NFATC3: variants seen among roughly 807,000 people sequenced by gnomAD.
NFATC3 encodes the protein nuclear factor of activated T-cells, cytoplasmic 3.
A neutral mutation model predicts 98.6 loss-of-function variants in NFATC3; 46 were observed. That is an observed-to-expected ratio of 0.47 (90% confidence interval 0.37 to 0.60). The LOEUF (loss-of-function observed/expected upper bound fraction) is 0.60. Ranked by LOEUF, NFATC3 falls within the 20% of genes least tolerant of loss-of-function variation. The pLI, the probability that NFATC3 is intolerant of heterozygous loss-of-function variation, is 0.00. For synonymous variants in NFATC3, 512 were observed against 472.2 expected, an observed-to-expected ratio of 1.08 and a Z score of -1.09; for missense variants, 1,256 against 1,295.5, an observed-to-expected ratio of 0.97 and a Z score of 0.47.
intron 1 of NFATC3, among the ~76,000 whole-genome samples, chr16:68,106,736 T>TG: frequency 6.7e-6 from 1 of 150,370 alleles, no homozygotes; most frequent in South Asian, 2.1e-4. Flanking sequence ...GCCTTTTTTT[T>TG]TTGTTGTTTT....
At chr16:68,203,912 G>A (rs932382424) in intron 9 of NFATC3, among the ~76,000 whole-genome samples, 6 of 152,002 alleles carry the variant, frequency 3.9e-5, no homozygotes, top group Non-Finnish European at 8.8e-5. Flanking sequence ...ATTGGGCCAG[G>A]CACAGTGGCT....
chr16:68,212,792 T>G (rs1479363467), intron 9 of NFATC3, among the ~76,000 whole-genome samples: 3 of 136,052 alleles, frequency 2.2e-5, no homozygotes, highest in African/African-American at 8.3e-5. Context: ...TCTCTTTTTT[T>G]TTTTTTTTTT....
intron 9 of NFATC3, among the ~76,000 whole-genome samples, chr16:68,217,464 CAA>C (rs68079157): frequency 1.8e-3 from 79 of 44,940 alleles, no homozygotes; most frequent in African/African-American, 4.9e-3. Flanking sequence ...GTCTCTGTCT[CAA>C]AAAAAAAAAA....
intron 2 of NFATC3, among the ~76,000 whole-genome samples, chr16:68,124,989 C>T (rs2036761294): frequency 6.6e-6 from 1 of 151,990 alleles, no homozygotes; most frequent in African/African-American, 2.4e-5. Flanking sequence ...CCTCGGCCTC[C>T]CAAAGTGCTG....
chr16:68,202,939 A>G (rs865784571), intron 9 of NFATC3, among the ~76,000 whole-genome samples: 12 of 152,218 alleles, frequency 7.9e-5, no homozygotes, highest in Non-Finnish European at 1.8e-4. Flanking sequence ...GGAGGGAGGT[A>G]GATAATGCTG....
intron 1 of NFATC3, among the ~76,000 whole-genome samples, chr16:68,115,158 G>T (rs1026884580): frequency 7.2e-5 from 11 of 151,846 alleles, no homozygotes; most frequent in African/African-American, 2.2e-4. Flanking sequence ...CCGCCTCCCG[G>T]CTTCAAGTGA....
Position 68,190,907 on chromosome 16 carries a change from T to G in NFATC3, c.2238T>G (p.Ser746Arg). Residue 746 changes from serine (S) to arginine (R), a missense_variant, in exon 9 of 10, where the codon AGT (serine) becomes AGG (arginine). By Grantham distance (110) the Ser-to-Arg change is moderately radical. This residue lies in a region of NFATC3 where 636 missense variants were observed against 617.3 expected (regional missense o/e 1.03). Coordinates refer to ENST00000346183, the MANE Select transcript of NFATC3 (RefSeq NM_173165.3). ...ACAGTGTACTGTCAGGACAGAGAAG[T>G]TTGATTTGCTCCATCCCACAAACAT... ...SHDSVLSGQR[S>R]LICSIPQTYA... is the part of the protein sequence containing the mutation. The G allele has an allele frequency of 6.2e-7, 1 of 1,614,192 alleles. No homozygotes were observed. Among genetic ancestry groups the G allele is most frequent in the African/African-American group, 1.3e-5 (1 of 75,048 alleles).
chr16:68,085,938 A>G, intron 1 of NFATC3, 154 bp downstream of exon 1: 2 of 529,852 alleles, frequency 3.8e-6, no homozygotes, highest in Non-Finnish European at 6.2e-6. Context: ...ACGGATTTAA[A>G]TCGCTGAGGA....
At chr16:68,159,021 C>G (rs1031945055) in intron 4 of NFATC3, among the ~76,000 whole-genome samples, 40 of 152,222 alleles carry the variant, frequency 2.6e-4, no homozygotes, top group Admixed American at 2.0e-4. Context: ...CACCTGAGCT[C>G]AGGAATTTCA....
At chr16:68,125,783 T>C (rs905959702) in intron 2 of NFATC3, among the ~76,000 whole-genome samples, 3 of 152,166 alleles carry the variant, frequency 2.0e-5, no homozygotes, top group African/African-American at 7.2e-5. Context: ...TTCATACACA[T>C]AGTTGAGAAA....
chr16:68,145,624 T>C (rs958234733), intron 3 of NFATC3, among the ~76,000 whole-genome samples: 1 of 152,186 alleles, frequency 6.6e-6, no homozygotes, highest in Non-Finnish European at 1.5e-5. Flanking sequence ...ATATACTATA[T>C]GATTCTATTT....
At chr16:68,215,150 G>A (rs2041584080) in intron 9 of NFATC3, among the ~76,000 whole-genome samples, 1 of 152,160 alleles carries the variant, frequency 6.6e-6, no homozygotes, top group South Asian at 2.1e-4. Flanking sequence ...AAGGGGCCTT[G>A]GAAATCATGT....
Position 68,196,923 on chromosome 16 carries a change from G to A in NFATC3, c.3106+5148G>A, listed in dbSNP as rs537347966. Reference sequence around the variant, plus strand: ...CGCATCCCTGTAATCCCAGCTACTTGGGAGGCTGAGGCAGGAGAGTCGCTT... The same window carrying A: ...CGCATCCCTGTAATCCCAGCTACTTAGGAGGCTGAGGCAGGAGAGTCGCTT... On this transcript the variant is annotated intron_variant, in intron 9 of 9. Transcript: ENST00000346183. 9.2e-5 allele frequency among the ~76,000 whole-genome samples: 14 copies of A among 151,930 alleles called. No individual in the cohort carries two copies. In the South Asian group the frequency reaches 2.3e-3, roughly 25 times the overall value.
chr16:68,110,669 A>G (rs2035901031), intron 1 of NFATC3, among the ~76,000 whole-genome samples: 2 of 149,728 alleles, frequency 1.3e-5, no homozygotes, highest in Admixed American at 1.3e-4. Context: ...TTCTGCTCTG[A>G]TCTTGGTTAT....
chr16:68,124,583 C>T (rs757506587), intron 2 of NFATC3, among the ~76,000 whole-genome samples: 1 of 151,348 alleles, frequency 6.6e-6, no homozygotes, highest in Non-Finnish European at 1.5e-5. Flanking sequence ...TACAGGCGTC[C>T]GGCACCACGC....
chr16:68,098,304 T>TTA (rs2035145738), intron 1 of NFATC3, among the ~76,000 whole-genome samples: 2 of 124,864 alleles, frequency 1.6e-5, no homozygotes, highest in African/African-American at 3.1e-5. Flanking sequence ...ATTATTATTT[T>TTA]TTTTTTTTTT....
At chr16:68,109,906 G>T (rs1051285023) in intron 1 of NFATC3, among the ~76,000 whole-genome samples, 17 of 151,982 alleles carry the variant, frequency 1.1e-4, no homozygotes, top group African/African-American at 4.1e-4. Flanking sequence ...ATTTCTGTGG[G>T]GTCAGTGGTG....
At chr16:68,221,121 G>A (rs1352304804) in intron 9 of NFATC3, 2 of 1,488,686 alleles carry the variant, frequency 1.3e-6, no homozygotes, top group East Asian at 4.6e-5. Flanking sequence ...TAAATTGCAA[G>A]CATTAGTATT....
At chr16:68,111,971 G>A (rs2035968895) in intron 1 of NFATC3, among the ~76,000 whole-genome samples, 1 of 152,136 alleles carries the variant, frequency 6.6e-6, no homozygotes, top group Non-Finnish European at 1.5e-5. Flanking sequence ...GGCTTGTAGG[G>A]TTTCTGCTGA....
Sources: gnomAD v4.1 joint callset for allele counts (sites outside exome capture counted in the v4.1 genomes callset) on GRCh38, gnomAD v4.1.1 for gene constraint, gnomAD v4.1.1 regional missense constraint, MANE v1.5 for transcripts, NCBI Gene and HGNC (gene_info 2026-07-23, HGNC 2026-07-21) for gene names.